Variants in PCOLCE2 observed in about 807,000 individuals in gnomAD.
The protein encoded by PCOLCE2 is procollagen C-endopeptidase enhancer 2.
Under a neutral mutation model 47.0 loss-of-function variants are expected in PCOLCE2, and 42 were observed. That is an observed-to-expected ratio of 0.89 (90% CI 0.70 to 1.16). PCOLCE2 has a LOEUF of 1.16. Ranked by LOEUF, PCOLCE2 falls within the 50% of genes most tolerant of loss-of-function variation. PCOLCE2 has a pLI of 0.00. For synonymous variants in PCOLCE2, 169 were observed against 191.7 expected (o/e 0.88, Z 0.98); for missense variants, 500 against 526.1 (o/e 0.95, Z 0.49).
At chr3:142,818,660 G>A (rs1333406373) in intron 8 of PCOLCE2, among the ~76,000 whole-genome samples, 195 bp from the exon 9 acceptor site, 1 of 152,120 alleles carries the variant, frequency 6.6e-6, no homozygotes, top group Non-Finnish European at 1.5e-5. Context: ...TCCCCAGGCT[G>A]GTCTTAAACT....
At chr3:142,885,432 A>G (rs1202521098) in intron 2 of PCOLCE2, among the ~76,000 whole-genome samples, 1 of 152,250 alleles carries the variant, frequency 6.6e-6, no homozygotes, top group African/African-American at 2.4e-5. Context: ...TACTGACTGC[A>G]GGAACAGAAA....
chr3:142,845,482 T>C (rs73232743), intron 3 of PCOLCE2, among the ~76,000 whole-genome samples: 30,980 of 152,190 alleles, frequency 0.2, 3,210 homozygotes, highest in Non-Finnish European at 0.23. Flanking sequence ...TCCAATGACC[T>C]TCATTCCTTC....
At position 142,879,765 on chromosome 3, in the gene PCOLCE2, C is replaced by G. The variant is rs193037292; in HGVS notation, c.192+7904G>C. Among the ~76,000 whole-genome samples the G allele has an allele frequency of 6.4e-3, 980 of 152,108 alleles. 10 individuals carry two copies. The highest frequency in any genetic ancestry group is 0.018 in the African/African-American group (736 of 41,510). On this transcript the variant is annotated intron_variant, in intron 2 of 8. Transcript: ENST00000295992. ...AGGGCGGATCACGAGGTCAGGAGAT[C>G]GAGACCATCCTGGCTAACACGGTGA...
intron 6 of PCOLCE2, 108 bp from the exon 7 acceptor site, chr3:142,823,723 AATCT>A (rs1233941597): frequency 1.5e-6 from 1 of 672,934 alleles, no homozygotes; most frequent in African/African-American, 1.8e-5. Flanking sequence ...CTGAGCCACC[AATCT>A]ATCACTACAA....
At chr3:142,824,921 C>A (rs1937057315) in intron 6 of PCOLCE2, among the ~76,000 whole-genome samples, 1 of 152,172 alleles carries the variant, frequency 6.6e-6, no homozygotes, top group Admixed American at 6.5e-5. Flanking sequence ...AGCCACCGCG[C>A]CCAGCCTATT....
intron 2 of PCOLCE2, among the ~76,000 whole-genome samples, chr3:142,849,185 C>T (rs764632493): frequency 6.6e-6 from 1 of 151,926 alleles, no homozygotes; most frequent in Non-Finnish European, 1.5e-5. Context: ...ACAAATAATA[C>T]AGTAGGACGC....
chr3:142,887,981 T>C (rs1933746795), intron 1 of PCOLCE2, among the ~76,000 whole-genome samples: 1 of 152,222 alleles, frequency 6.6e-6, no homozygotes, highest in South Asian at 2.1e-4. Context: ...TCCAGCGCCA[T>C]CTGTCTCCAT....
At chr3:142,853,148 C>G (rs923442919) in intron 2 of PCOLCE2, among the ~76,000 whole-genome samples, 4 of 151,506 alleles carry the variant, frequency 2.6e-5, no homozygotes, top group African/African-American at 7.3e-5. Context: ...ACATATCACT[C>G]CACAACCTGG....
chr3:142,823,659 G>GCA (rs767182839), intron 6 of PCOLCE2, 44 bp from the exon 7 acceptor site: 1 of 1,119,912 alleles, frequency 8.9e-7, no homozygotes, highest in Admixed American at 1.8e-5. Flanking sequence ...ATGAATTCAA[G>GCA]CATAATTGGT....
At chr3:142,884,521 A>G (rs1933685939) in intron 2 of PCOLCE2, among the ~76,000 whole-genome samples, 1 of 152,242 alleles carries the variant, frequency 6.6e-6, no homozygotes, top group Non-Finnish European at 1.5e-5. Context: ...CAACCCCATC[A>G]TGGATTACAA....
At chr3:142,878,829 G>A (rs907048270) in intron 2 of PCOLCE2, among the ~76,000 whole-genome samples, 2 of 151,854 alleles carry the variant, frequency 1.3e-5, no homozygotes, top group African/African-American at 4.8e-5. Flanking sequence ...ACTCCAGACT[G>A]GGTGAAAAGT....
chr3:142,834,147 C>T (rs1937179737), intron 5 of PCOLCE2, among the ~76,000 whole-genome samples: 1 of 152,146 alleles, frequency 6.6e-6, no homozygotes. Context: ...GTTTAATTAG[C>T]CATCTACCCA....
intron 4 of PCOLCE2, among the ~76,000 whole-genome samples, chr3:142,841,671 G>A (rs1202817555): frequency 6.6e-6 from 1 of 152,028 alleles, no homozygotes; most frequent in Non-Finnish European, 1.5e-5. Flanking sequence ...GTTTATGTCT[G>A]TATATATGTG....
In PCOLCE2 at chr3:142,886,940, T is replaced by C. The variant is rs994524923; in HGVS notation, c.192+729A>G. On this transcript the variant is annotated intron_variant, in intron 2 of 8. Coordinates refer to ENST00000295992, the MANE Select transcript of PCOLCE2 (RefSeq NM_013363.4). ...GAAAGAAGCTCTCAGTGAACCAACGTATTCAATTACTAAACAACTTCCCAA... is the reference window on the plus strand; with the variant it reads ...GAAAGAAGCTCTCAGTGAACCAACGCATTCAATTACTAAACAACTTCCCAA... Among the ~76,000 whole-genome samples the C allele has an allele frequency of 8.8e-4, 134 of 152,288 alleles. 2 individuals carry two copies. Among genetic ancestry groups the C allele is most frequent in the Non-Finnish European group, 1.9e-4 (13 of 68,018 alleles).
At chr3:142,860,023 GA>G (rs1227435960) in intron 2 of PCOLCE2, among the ~76,000 whole-genome samples, 1 of 152,070 alleles carries the variant, frequency 6.6e-6, no homozygotes, top group Non-Finnish European at 1.5e-5. Context: ...CTACAAAAGA[GA>G]ACAAATTGTT....
intron 2 of PCOLCE2, among the ~76,000 whole-genome samples, chr3:142,885,241 G>A (rs1933697966): frequency 6.6e-6 from 1 of 152,136 alleles, no homozygotes; most frequent in Non-Finnish European, 1.5e-5. Flanking sequence ...TACCATGCTG[G>A]GACACATCTC....
intron 3 of PCOLCE2, among the ~76,000 whole-genome samples, chr3:142,843,676 C>G (rs997454302): frequency 2.6e-5 from 4 of 151,988 alleles, no homozygotes; most frequent in African/African-American, 9.7e-5. Context: ...GGCATCTGTA[C>G]TCATAAGTTG....
At chr3:142,840,833 T>C (rs1937256201) in intron 4 of PCOLCE2, among the ~76,000 whole-genome samples, 1 of 152,166 alleles carries the variant, frequency 6.6e-6, no homozygotes, top group Non-Finnish European at 1.5e-5. Context: ...CCCAGCACTT[T>C]GGGAGGCCGA....
intron 8 of PCOLCE2, 123 bp downstream of exon 8, chr3:142,820,755 C>T (rs1396313341): frequency 9.1e-6 from 7 of 767,818 alleles, no homozygotes; most frequent in Admixed American, 2.6e-5. Context: ...TGCCTGACTC[C>T]AAAGGCCTTC....
Sources: allele counts gnomAD v4.1 joint callset (sites outside exome capture counted in the v4.1 genomes callset), GRCh38; gene constraint gnomAD v4.1.1; transcripts MANE v1.5; gene names NCBI Gene and HGNC (gene_info 2026-07-23, HGNC 2026-07-21).